IL1RAPL1: variants seen among roughly 807,000 people sequenced by gnomAD.
IL1RAPL1 encodes interleukin-1 receptor accessory protein-like 1.
IL1RAPL1 carries 3 observed loss-of-function variants against 48.4 expected under a neutral mutation model. The observed-to-expected ratio is 0.06, with a 90% CI of 0.03 to 0.16. IL1RAPL1 has a LOEUF of 0.16. Ranked by LOEUF, IL1RAPL1 falls within the 10% of genes least tolerant of loss-of-function variation. The pLI is 1.00. For missense variants in IL1RAPL1, 349 were observed against 530.6 expected (o/e 0.66, Z 3.36); for synonymous variants, 185 against 187.7 (o/e 0.99, Z 0.12).
chrX:29,265,543 C>T (rs1431253026), intron 2 of IL1RAPL1, among the ~76,000 whole-genome samples: 1 of 104,449 alleles, frequency 9.6e-6, no homozygotes, highest in Non-Finnish European at 2.0e-5. Flanking sequence ...CATATGTATA[C>T]ATGTGCCATG....
chrX:29,700,114 C>A (rs1355402908), intron 6 of IL1RAPL1, among the ~76,000 whole-genome samples: 2 of 110,450 alleles, frequency 1.8e-5, no homozygotes, highest in Non-Finnish European at 3.8e-5. Flanking sequence ...TTAGAAACTC[C>A]CAGGTTTAAA....
intron 5 of IL1RAPL1, among the ~76,000 whole-genome samples, chrX:29,661,893 C>T (rs1019145446): frequency 1.1e-4 from 12 of 111,462 alleles, no homozygotes; most frequent in African/African-American, 2.9e-4. Context: ...AACACTGTGC[C>T]GTCGCCTTTC....
At chrX:29,916,935 C>T (rs766396506) in intron 6 of IL1RAPL1, among the ~76,000 whole-genome samples, 1 of 111,600 alleles carries the variant, frequency 9.0e-6, no homozygotes, top group Non-Finnish European at 1.9e-5. Context: ...TTCTTTAATT[C>T]GAATGTTATT....
chrX:29,539,059 C>A (rs927866124), intron 5 of IL1RAPL1, among the ~76,000 whole-genome samples: 5 of 111,235 alleles, frequency 4.5e-5, no homozygotes, highest in African/African-American at 1.6e-4. Flanking sequence ...TTCTATGAAG[C>A]AAGCATCATC....
intron 2 of IL1RAPL1, among the ~76,000 whole-genome samples, chrX:28,923,836 G>A (rs1923673559): frequency 9.0e-6 from 1 of 111,279 alleles, no homozygotes; most frequent in East Asian, 2.8e-4. Context: ...AAGTACTCTT[G>A]CTTCATCAAA....
chrX:29,345,568 CTTA>C (rs1365094058), intron 3 of IL1RAPL1, among the ~76,000 whole-genome samples: 8 of 111,300 alleles, frequency 7.2e-5, no homozygotes, highest in African/African-American at 2.6e-4. Flanking sequence ...GATATAGTAT[CTTA>C]TTTATCTTCT....
intron 5 of IL1RAPL1, among the ~76,000 whole-genome samples, chrX:29,439,262 T>C (rs997244508): frequency 2.7e-5 from 3 of 111,459 alleles, no homozygotes; most frequent in Non-Finnish European, 3.8e-5. Context: ...ATCTGTTCCA[T>C]ATATCTAAAT....
intron 6 of IL1RAPL1, among the ~76,000 whole-genome samples, chrX:29,743,915 GGAA>G (rs1287338760): frequency 4.5e-5 from 5 of 112,185 alleles, no homozygotes; most frequent in African/African-American, 1.6e-4. Context: ...ACACTGAGGA[GGAA>G]GGAGCCAGTG....
chrX:29,277,789 G>A (rs1220798333), intron 2 of IL1RAPL1, among the ~76,000 whole-genome samples: 1 of 112,108 alleles, frequency 8.9e-6, no homozygotes, highest in Non-Finnish European at 1.9e-5. Context: ...AGTATATAAT[G>A]AGATATCTTG....
intron 5 of IL1RAPL1, among the ~76,000 whole-genome samples, chrX:29,616,411 G>A (rs1453433481): frequency 9.3e-6 from 1 of 108,041 alleles, no homozygotes; most frequent in African/African-American, 3.4e-5. Context: ...CATGTGCCGT[G>A]TTCGTGTGCT....
intron 2 of IL1RAPL1, among the ~76,000 whole-genome samples, chrX:29,036,008 A>G (rs1171664182): frequency 8.9e-6 from 1 of 111,937 alleles, no homozygotes; most frequent in Non-Finnish European, 1.9e-5. Context: ...TCTCATCCAG[A>G]TTCAGGTACT....
At chrX:28,677,410 A>G (rs1223343452) in intron 1 of IL1RAPL1, among the ~76,000 whole-genome samples, 1 of 112,092 alleles carries the variant, frequency 8.9e-6, no homozygotes, top group Admixed American at 9.5e-5. Flanking sequence ...TCATGATTAT[A>G]ATGACTGTGT....
At position 29,733,330 on chromosome X, in the gene IL1RAPL1, C is replaced by T. The variant is rs191338965; in HGVS notation, c.778+64826C>T. Among the ~76,000 whole-genome samples, 45 of 111,821 alleles carry T rather than the reference C, an allele frequency of 4.0e-4. No homozygotes were observed. In the East Asian group the frequency reaches 0.012, roughly 30 times the overall value. On this transcript the variant is annotated intron_variant, in intron 6 of 10. Transcript: ENST00000378993. Reference sequence around the variant, plus strand: ...CGACTTCTTCCTTTTTTTAGTATTCCCAGCTTCTGGCTCAGTTCCTAGTTC... The same window carrying T: ...CGACTTCTTCCTTTTTTTAGTATTCTCAGCTTCTGGCTCAGTTCCTAGTTC...
At chrX:28,929,726 A>T (rs1006099685) in intron 2 of IL1RAPL1, among the ~76,000 whole-genome samples, 1 of 111,987 alleles carries the variant, frequency 8.9e-6, no homozygotes, top group African/African-American at 3.2e-5. Flanking sequence ...ATATTTACCT[A>T]TTTATGTCAA....
rs1228333162 is a variant in IL1RAPL1 at position 29,006,643 on chromosome X, A to ATGTGTG, written c.82+217219_82+217220insGTGTGT. On this transcript the variant is annotated intron_variant, in intron 2 of 10. Coordinates refer to ENST00000378993, the MANE Select transcript of IL1RAPL1 (RefSeq NM_014271.4). ...CTTGCCCACATTTGTGTGTGTTTAT[A>ATGTGTG]TATATGTGTGTGTGTGTGTGTGTGT... 1.6e-4 allele frequency among the ~76,000 whole-genome samples: 14 copies of ATGTGTG among 85,640 alleles called. No individual in the cohort carries two copies. In the South Asian group the frequency reaches 2.0e-3, roughly 12 times the overall value. The allele number at this position is 85,640 out of a possible 115,157, so 74.4% of individuals were successfully genotyped here.
At chrX:29,608,445 A>G (rs1411918875) in intron 5 of IL1RAPL1, among the ~76,000 whole-genome samples, 2 of 100,973 alleles carry the variant, frequency 2.0e-5, no homozygotes, top group African/African-American at 7.4e-5. Context: ...AAAGGGAGAA[A>G]GAAAGGAAGA....
chrX:29,401,182 A>G (rs1270221557), intron 5 of IL1RAPL1, among the ~76,000 whole-genome samples: 4 of 112,173 alleles, frequency 3.6e-5, no homozygotes, highest in African/African-American at 1.3e-4. Flanking sequence ...ACAAAGAGTA[A>G]TTGAGTCTTG....
intron 5 of IL1RAPL1, among the ~76,000 whole-genome samples, chrX:29,469,839 C>T (rs180789127): frequency 6.0e-4 from 67 of 111,815 alleles, no homozygotes; most frequent in Middle Eastern, 4.6e-3. Context: ...CTCTCCACAA[C>T]GTTCCTTTAA....
At chrX:29,865,636 CTTTTT>C (rs1171882981) in intron 6 of IL1RAPL1, among the ~76,000 whole-genome samples, 1 of 76,339 alleles carries the variant, frequency 1.3e-5, no homozygotes, top group East Asian at 3.8e-4. Flanking sequence ...CTTTTCTTTT[CTTTTT>C]TTTTTTTTTT....
Sources: allele counts gnomAD v4.1 joint callset (sites outside exome capture counted in the v4.1 genomes callset), GRCh38; gene constraint gnomAD v4.1.1; transcripts MANE v1.5; gene names NCBI Gene and HGNC (gene_info 2026-07-23, HGNC 2026-07-21).